KIAA1958: variants seen among roughly 807,000 people sequenced by gnomAD.
The protein encoded by KIAA1958 is uncharacterized protein KIAA1958.
In KIAA1958, 14 loss-of-function variants were observed where a neutral mutation model predicts 47.2. The observed-to-expected ratio is 0.30, with a 90% confidence interval of 0.20 to 0.46. The LOEUF is 0.46. Ranked by LOEUF, KIAA1958 falls within the 20% of genes least tolerant of loss-of-function variation. KIAA1958 has a pLI of 1.00. For missense variants in KIAA1958, 803 were observed against 909.2 expected (o/e 0.88, Z 1.50); for synonymous variants, 354 against 353.3 (o/e 1.00, Z -0.02).
At chr9:112,503,604 GAGACC>G (rs1291862548) in intron 1 of KIAA1958, among the ~76,000 whole-genome samples, 2 of 120,728 alleles carry the variant, frequency 1.7e-5, no homozygotes, top group East Asian at 4.7e-4. Flanking sequence ...GCAACAGAGC[GAGACC>G]CTGTCTCAAA....
intron 3 of KIAA1958, among the ~76,000 whole-genome samples, chr9:112,646,087 GT>G (rs10578182): frequency 0.31 from 45,553 of 148,896 alleles, 7,376 homozygotes; most frequent in South Asian, 0.43. Context: ...TATTTAAGTG[GT>G]TTTTTTTTTT....
rs972026205 is a variant in KIAA1958 at position 112,664,014 on chromosome 9, A to G, written c.*3945A>G. On this transcript the variant is annotated 3_prime_UTR_variant, in exon 4 of 4. Coordinates refer to ENST00000337530, the MANE Select transcript of KIAA1958 (RefSeq NM_133465.4). ...TCACTCCTCACTTGGGCAAATGCCG[A>G]TATCACTTTGCTTAGCTATAAAGTG... 3 of 152,382 alleles carry G rather than the reference A, an allele frequency of 2.0e-5. No individual in the cohort carries two copies. Among genetic ancestry groups the G allele is most frequent in the African/African-American group, 4.8e-5 (2 of 41,594 alleles). 9.4% of individuals were successfully genotyped at this position (152,382 alleles called of 1,614,324 possible).
At chr9:112,626,669 T>A (rs1032065997) in intron 2 of KIAA1958, among the ~76,000 whole-genome samples, 2 of 152,198 alleles carry the variant, frequency 1.3e-5, no homozygotes, top group Non-Finnish European at 2.9e-5. Flanking sequence ...ATTGTTTATT[T>A]ATATTGGATG....
At chr9:112,556,416 C>T (rs1025837429) in intron 1 of KIAA1958, among the ~76,000 whole-genome samples, 1 of 152,216 alleles carries the variant, frequency 6.6e-6, no homozygotes, top group African/African-American at 2.4e-5. Flanking sequence ...TCACATCACT[C>T]CTACTTAATT....
chr9:112,534,202 T>A (rs1440399006), intron 1 of KIAA1958, among the ~76,000 whole-genome samples: 2 of 152,194 alleles, frequency 1.3e-5, no homozygotes, highest in Non-Finnish European at 2.9e-5. Context: ...TTATTATACA[T>A]GTCTCAAGAT....
intron 1 of KIAA1958, among the ~76,000 whole-genome samples, chr9:112,567,923 A>G (rs1835453763): frequency 7.0e-6 from 1 of 143,270 alleles, no homozygotes; most frequent in African/African-American, 2.6e-5. Flanking sequence ...GTGCCACTGT[A>G]CAATCCAGCC....
In KIAA1958 at chr9:112,566,060, C is replaced by T. The variant is rs142403663; in HGVS notation, c.-24-7997C>T. ...TTGGGACTACAGGCGCCCACAACCACGCCCAGCTAATTTTTTGTATTTTTA... is the reference window on the plus strand; with the variant it reads ...TTGGGACTACAGGCGCCCACAACCATGCCCAGCTAATTTTTTGTATTTTTA... On this transcript the variant is annotated intron_variant, in intron 1 of 3. Transcript: ENST00000337530. Among the ~76,000 whole-genome samples the T allele has an allele frequency of 7.2e-3, 1,099 of 152,164 alleles. 10 individuals are homozygous for T. The highest frequency in any genetic ancestry group is 0.025 in the African/African-American group (1,029 of 41,506).
intron 2 of KIAA1958, among the ~76,000 whole-genome samples, chr9:112,584,252 A>G (rs1564181383): frequency 1.3e-5 from 2 of 152,202 alleles, no homozygotes; most frequent in Admixed American, 1.3e-4. Context: ...CATCTGTAAG[A>G]TAAAGATGCT....
chr9:112,566,599 C>A (rs73656437), intron 1 of KIAA1958, among the ~76,000 whole-genome samples: 1 of 152,096 alleles, frequency 6.6e-6, no homozygotes, highest in Non-Finnish European at 1.5e-5. Flanking sequence ...CAGAGCGAGA[C>A]CCTGCCTCAA....
intron 2 of KIAA1958, among the ~76,000 whole-genome samples, chr9:112,642,548 G>A (rs1337210192): frequency 1.3e-5 from 2 of 152,288 alleles, no homozygotes; most frequent in Admixed American, 6.5e-5. Flanking sequence ...GGTAGATGAT[G>A]TAAGGGCATC....
intron 2 of KIAA1958, among the ~76,000 whole-genome samples, chr9:112,623,246 G>A (rs1022874676): frequency 6.6e-6 from 1 of 152,202 alleles, no homozygotes; most frequent in Non-Finnish European, 1.5e-5. Flanking sequence ...CACTGACAAT[G>A]TGCCATTGTA....
intron 2 of KIAA1958, among the ~76,000 whole-genome samples, chr9:112,577,300 C>A (rs1283552417): frequency 1.3e-5 from 2 of 151,928 alleles, no homozygotes; most frequent in Non-Finnish European, 2.9e-5. Context: ...TTGTCTTTTT[C>A]TTTCTTTCTT....
intron 1 of KIAA1958, among the ~76,000 whole-genome samples, chr9:112,488,212 A>C (rs1190175174): frequency 6.6e-6 from 1 of 152,176 alleles, no homozygotes. Flanking sequence ...TGAATGTCAG[A>C]ATTGAGTTTC....
At position 112,533,626 on chromosome 9, in the gene KIAA1958, C is replaced by T. The variant is rs1419079417; in HGVS notation, c.-24-40431C>T. Among the ~76,000 whole-genome samples, 3 of 148,734 alleles carry T rather than the reference C, an allele frequency of 2.0e-5. No homozygotes were observed. In the East Asian group the frequency reaches 6.0e-4, roughly 30 times the overall value. ...AAAAAGAAAAGAGGTTTAATTGACT[C>T]ACAGTTTCCCATTGCTGGGGAGACC... is the stretch of plus-strand genomic sequence containing the variant. On this transcript the variant is annotated intron_variant, in intron 1 of 3. Coordinates refer to ENST00000337530, the MANE Select transcript of KIAA1958 (RefSeq NM_133465.4).
chr9:112,606,243 A>G (rs759932979), intron 2 of KIAA1958, among the ~76,000 whole-genome samples: 4 of 152,152 alleles, frequency 2.6e-5, no homozygotes, highest in Admixed American at 6.5e-5. Context: ...CCTAAGTTAC[A>G]TCTTAGGTCT....
At chr9:112,582,918 T>G (rs1016791817) in intron 2 of KIAA1958, among the ~76,000 whole-genome samples, 1 of 152,170 alleles carries the variant, frequency 6.6e-6, no homozygotes, top group African/African-American at 2.4e-5. Context: ...TGTTACATGT[T>G]TATTGAATGA....
In KIAA1958 at chr9:112,660,713, A is replaced by T. The variant is rs368433898; in HGVS notation, c.*644A>T. The T allele has an allele frequency of 6.6e-6, 1 of 152,542 alleles. No homozygotes were observed. Among genetic ancestry groups the T allele is most frequent in the East Asian group, 1.9e-4 (1 of 5,202 alleles). The allele number at this position is 152,542 out of a possible 1,614,324, so 9.4% of individuals were successfully genotyped here. On this transcript the variant is annotated 3_prime_UTR_variant, in exon 4 of 4. Transcript: ENST00000337530. ...GGTAGGAACCCCATCTCGGCTGTCAATGGAGAGAATTTTATGATAAAAGAT... is the reference window on the plus strand; with the variant it reads ...GGTAGGAACCCCATCTCGGCTGTCATTGGAGAGAATTTTATGATAAAAGAT...
chr9:112,546,906 C>G (rs750697837), intron 1 of KIAA1958, among the ~76,000 whole-genome samples: 13 of 151,966 alleles, frequency 8.6e-5, no homozygotes, highest in Admixed American at 2.6e-4. Context: ...ACACCCTGAG[C>G]TTTCCTACCA....
At chr9:112,515,733 G>A (rs1169102467) in intron 1 of KIAA1958, among the ~76,000 whole-genome samples, 1 of 89,434 alleles carries the variant, frequency 1.1e-5, no homozygotes, top group African/African-American at 4.5e-5. Context: ...AAGTAATCAG[G>A]GACACAAACA....
Sources: allele counts gnomAD v4.1 joint callset (sites outside exome capture counted in the v4.1 genomes callset), GRCh38; gene constraint gnomAD v4.1.1; transcripts MANE v1.5; gene names NCBI Gene and HGNC (gene_info 2026-07-23, HGNC 2026-07-21).